Variants in USH2A observed in about 807,000 individuals in gnomAD.
The protein encoded by USH2A is Usher syndrome 2A (autosomal recessive, mild).
In USH2A, 443 loss-of-function variants were observed where a neutral mutation model predicts 538.9. The ratio of observed to expected loss-of-function variants is 0.82; its 90% CI spans 0.76 to 0.89. The LOEUF is 0.89. Among genes scored for constraint, USH2A ranks in the 40% least tolerant of loss-of-function variants. USH2A has a pLI of 0.00. For synonymous variants in USH2A, 2,413 were observed against 2,273.5 expected, an observed-to-expected ratio of 1.06 and a Z score of -1.75; for missense variants, 6,633 against 6,324.8, an observed-to-expected ratio of 1.05 and a Z score of -1.65.
At chr1:216,210,929 C>T (rs1045070368) in intron 15 of USH2A, among the ~76,000 whole-genome samples, 2 of 146,312 alleles carry the variant, frequency 1.4e-5, no homozygotes, top group Admixed American at 1.4e-4. Flanking sequence ...TGCAGTGAGC[C>T]AAGATCGCCA....
At chr1:216,337,283 AT>A (rs2037992150) in intron 4 of USH2A, among the ~76,000 whole-genome samples, 1 of 151,376 alleles carries the variant, frequency 6.6e-6, no homozygotes, top group Non-Finnish European at 1.5e-5. Context: ...ATGGAAAGAT[AT>A]TCTTTTGATG....
intron 37 of USH2A, among the ~76,000 whole-genome samples, chr1:215,936,263 A>T (rs1666493852): frequency 6.6e-6 from 1 of 152,082 alleles, no homozygotes; most frequent in South Asian, 2.1e-4. Context: ...AAAGTAAAAG[A>T]TGGCATCATA....
At chr1:215,793,640 G>T (rs971282902) in intron 50 of USH2A, among the ~76,000 whole-genome samples, 3 of 151,996 alleles carry the variant, frequency 2.0e-5, no homozygotes, top group Non-Finnish European at 2.9e-5. Flanking sequence ...TTACACCATG[G>T]ACTTCTGTAA....
intron 25 of USH2A, among the ~76,000 whole-genome samples, chr1:216,084,316 T>C (rs1382048329): frequency 1.3e-5 from 2 of 152,160 alleles, no homozygotes; most frequent in Non-Finnish European, 2.9e-5. Context: ...TATAATGAGA[T>C]AAATAGGCAT....
intron 67 of USH2A, among the ~76,000 whole-genome samples, chr1:215,642,529 T>C (rs993900279): frequency 6.6e-6 from 1 of 152,198 alleles, no homozygotes; most frequent in Non-Finnish European, 1.5e-5. Flanking sequence ...TTGTGAGTCA[T>C]TGTTAAATCC....
At chr1:216,077,080 C>T (rs548474818) in intron 27 of USH2A, among the ~76,000 whole-genome samples, 1 of 152,240 alleles carries the variant, frequency 6.6e-6, no homozygotes, top group African/African-American at 2.4e-5. Context: ...CTCTGCTCTT[C>T]AGTTTCCTCA....
chr1:215,752,435 G>T (rs1660649838), intron 58 of USH2A, among the ~76,000 whole-genome samples: 1 of 152,148 alleles, frequency 6.6e-6, no homozygotes, highest in South Asian at 2.1e-4. Context: ...AGGTTTACAT[G>T]GGAGACAGGG....
intron 32 of USH2A, among the ~76,000 whole-genome samples, chr1:216,003,301 T>G (rs1668310217): frequency 6.6e-6 from 1 of 152,026 alleles, no homozygotes; most frequent in East Asian, 1.9e-4. Context: ...ATTATGAAGT[T>G]TATGGGTAAG....
intron 16 of USH2A, 22 bp from the exon 17 acceptor site, chr1:216,200,143 A>G (rs781169354): frequency 3.7e-6 from 6 of 1,602,706 alleles, no homozygotes; most frequent in African/African-American, 2.7e-5. Flanking sequence ...AGAAAAAAAA[A>G]AAACAAAGTT....
At position 215,888,844 on chromosome 1, in the gene USH2A, G is replaced by C; in HGVS notation, c.7805C>G (p.Ala2602Gly). 2 of 1,614,104 alleles carry C rather than the reference G, an allele frequency of 1.2e-6. No homozygotes were observed. The highest frequency in any genetic ancestry group is 1.6e-4 in the Middle Eastern group (1 of 6,062). ...AAGGGAACATCCTTTTGAAGTGCAGGCTTCTACCTGAAACTTATAGGCAGT... is the reference window on the plus strand; with the variant it reads ...AAGGGAACATCCTTTTGAAGTGCAGCCTTCTACCTGAAACTTATAGGCAGT... ...PYTAYKFQVEACTSKGCSLSP... is the reference protein window; with the variant it reads ...PYTAYKFQVEGCTSKGCSLSP... Residue 2602 changes from alanine to glycine, a missense_variant, in exon 41 of 72, where the codon GCC becomes GGC. By Grantham distance (60) the Ala-to-Gly change is moderately conservative. Transcript: ENST00000307340.
chr1:216,206,835 T>C (rs763882313), intron 16 of USH2A, among the ~76,000 whole-genome samples: 1 of 152,246 alleles, frequency 6.6e-6, no homozygotes, highest in Non-Finnish European at 1.5e-5. Flanking sequence ...GGACATCTTG[T>C]GTGTCTACTT....
At position 216,005,689 on chromosome 1, in the gene USH2A, C is replaced by T. The variant is rs1668374768; in HGVS notation, c.6326-5127G>A. ...TAGTTGTAAGACAAAGGAGATTTAC[C>T]ATTAAATACGAGAAAAAGGCAAAGC... is the stretch of plus-strand genomic sequence containing the variant. On this transcript the variant is annotated intron_variant, in intron 32 of 71. Transcript: ENST00000307340. 2.0e-5 allele frequency among the ~76,000 whole-genome samples: 3 copies of T among 151,872 alleles called. No homozygotes were observed. In the South Asian group the frequency reaches 6.2e-4, roughly 32 times the overall value.
At chr1:216,039,040 C>T (rs753316528) in intron 32 of USH2A, among the ~76,000 whole-genome samples, 4 of 151,984 alleles carry the variant, frequency 2.6e-5, no homozygotes, top group South Asian at 4.1e-4. Flanking sequence ...TCTTCACATA[C>T]GGGTGCATTA....
At chr1:216,030,401 T>A (rs371303821) in intron 32 of USH2A, among the ~76,000 whole-genome samples, 1 of 134,870 alleles carries the variant, frequency 7.4e-6, no homozygotes, top group East Asian at 2.1e-4. Context: ...CAGATATATA[T>A]ATGATATATA....
At chr1:216,007,972 A>G (rs986608229) in intron 32 of USH2A, among the ~76,000 whole-genome samples, 21 of 152,364 alleles carry the variant, frequency 1.4e-4, no homozygotes, top group African/African-American at 5.0e-4. Context: ...TGAATGCCAC[A>G]TACTCAACCA....
intron 32 of USH2A, among the ~76,000 whole-genome samples, chr1:216,037,054 T>C (rs1287599726): frequency 1.3e-5 from 2 of 152,160 alleles, no homozygotes; most frequent in Admixed American, 1.3e-4. Flanking sequence ...AATAACTGAC[T>C]GTTCTGGGAA....
chr1:215,673,440 G>A (rs1400864189), intron 63 of USH2A, among the ~76,000 whole-genome samples: 1 of 152,066 alleles, frequency 6.6e-6, no homozygotes, highest in Admixed American at 6.5e-5. Context: ...AAATGTGATG[G>A]GGAAAACTGC....
intron 32 of USH2A, among the ~76,000 whole-genome samples, chr1:216,002,306 T>C (rs774985128): frequency 6.6e-6 from 1 of 152,168 alleles, no homozygotes; most frequent in Non-Finnish European, 1.5e-5. Flanking sequence ...TGCTAACATA[T>C]TGTATCTGCC....
At chr1:216,113,137 T>TAA (rs71159901) in intron 21 of USH2A, among the ~76,000 whole-genome samples, 30 of 127,578 alleles carry the variant, frequency 2.4e-4, no homozygotes, top group African/African-American at 6.5e-4. Context: ...CTCCAAATGA[T>TAA]AAAAAAAAAA....
Sources: gnomAD v4.1 joint callset for allele counts (sites outside exome capture counted in the v4.1 genomes callset) on GRCh38, gnomAD v4.1.1 for gene constraint, MANE v1.5 for transcripts, NCBI Gene and HGNC (gene_info 2026-07-23, HGNC 2026-07-21) for gene names.